The following EGFLAM variants were observed in gnomAD, a reference collection of about 807,000 sequenced individuals.
EGFLAM encodes pikachurin.
Under a neutral mutation model 113.1 loss-of-function variants are expected in EGFLAM, and 79 were observed. The ratio of observed to expected loss-of-function variants is 0.70; its 90% CI spans 0.58 to 0.84. The LOEUF (loss-of-function observed/expected upper bound fraction) is 0.84. Ranked by LOEUF, EGFLAM falls within the 40% of genes least tolerant of loss-of-function variation. The probability of loss-of-function intolerance (pLI) is 0.00; values close to 1 mark genes in which losing one functional copy is unlikely to be tolerated. For synonymous variants in EGFLAM, 504 were observed against 487.6 expected, an observed-to-expected ratio of 1.03 and a Z score of -0.44; for missense variants, 1,265 against 1,291.6, an observed-to-expected ratio of 0.98 and a Z score of 0.32.
chr5:38,319,071 A>G lies in EGFLAM; in HGVS notation c.98-18449A>G, dbSNP rs868385953. 2.0e-5 allele frequency among the ~76,000 whole-genome samples: 3 copies of G among 152,206 alleles called. No homozygotes were observed. In the South Asian group the frequency reaches 6.2e-4, roughly 32 times the overall value. On this transcript the variant is annotated intron_variant, in intron 1 of 21. Transcript: ENST00000322350. The stretch of plus-strand genomic sequence containing the variant: ...TGGTGAGAATTCATATTAGGGGTAA[A>G]TATCACCTTGGCTTTTCCCCAGTTG...
Position 38,307,374 on chromosome 5 carries a change from TG to T in EGFLAM, c.98-30145del, listed in dbSNP as rs576832581. Among the ~76,000 whole-genome samples, 197 of 152,322 alleles carry T rather than the reference TG, an allele frequency of 1.3e-3. 1 individual carries two copies. Among genetic ancestry groups the T allele is most frequent in the African/African-American group, 4.5e-3 (188 of 41,578 alleles). On this transcript the variant is annotated intron_variant, in intron 1 of 21. Transcript: ENST00000322350. ...TGAATCATGGGGATGGTATCCCTCA[TG>T]CTGTTCTCATGATAATGAGTGAATT...
At chr5:38,383,042 C>T (rs960799397) in intron 6 of EGFLAM, among the ~76,000 whole-genome samples, 9 of 152,134 alleles carry the variant, frequency 5.9e-5, no homozygotes, top group African/African-American at 1.9e-4. Flanking sequence ...CTTACAGAGC[C>T]GGACGAGCCC....
chr5:38,391,327 T>G (rs186355945), intron 6 of EGFLAM, among the ~76,000 whole-genome samples: 25 of 152,230 alleles, frequency 1.6e-4, no homozygotes, highest in Admixed American at 1.2e-3. Flanking sequence ...CTATATGCTG[T>G]CAGTTTCTTT....
chr5:38,449,407 G>A (rs1194417182), intron 18 of EGFLAM, among the ~76,000 whole-genome samples: 1 of 152,182 alleles, frequency 6.6e-6, no homozygotes, highest in Non-Finnish European at 1.5e-5. Flanking sequence ...CGTTGTCTTG[G>A]CATGGGGACT....
At chr5:38,313,213 T>C (rs539836583) in intron 1 of EGFLAM, among the ~76,000 whole-genome samples, 1 of 152,360 alleles carries the variant, frequency 6.6e-6, no homozygotes, top group East Asian at 1.9e-4. Context: ...TTGCTCTGCA[T>C]AATTTTTTTA....
At chr5:38,293,272 C>T (rs1022735564) in intron 1 of EGFLAM, among the ~76,000 whole-genome samples, 7 of 152,194 alleles carry the variant, frequency 4.6e-5, no homozygotes, top group Non-Finnish European at 1.0e-4. Context: ...ATGCCAGTCT[C>T]AGCTGTGTCA....
chr5:38,261,390 A>G (rs545640158), intron 1 of EGFLAM, among the ~76,000 whole-genome samples: 1 of 152,330 alleles, frequency 6.6e-6, no homozygotes, highest in African/African-American at 2.4e-5. Context: ...AACTGGATGC[A>G]CAGTGATTTA....
chr5:38,451,756 C>T (rs901779682), intron 19 of EGFLAM: 22 of 275,650 alleles, frequency 8.0e-5, no homozygotes, highest in Non-Finnish European at 1.4e-4. Flanking sequence ...TTCGGGAGGC[C>T]GAGGTGGGCA....
chr5:38,352,713 A>C (rs532905314), intron 5 of EGFLAM, among the ~76,000 whole-genome samples: 1 of 152,068 alleles, frequency 6.6e-6, no homozygotes, highest in South Asian at 2.1e-4. Context: ...CAATGAGGAG[A>C]GTCACCTCCA....
intron 5 of EGFLAM, among the ~76,000 whole-genome samples, chr5:38,367,213 C>A (rs1486411403): frequency 6.6e-6 from 1 of 151,484 alleles, no homozygotes; most frequent in East Asian, 1.9e-4. Context: ...TTGGTGCAAT[C>A]ATAGCTCGCA....
chr5:38,355,540 G>A (rs928198213), intron 5 of EGFLAM, among the ~76,000 whole-genome samples: 6 of 152,108 alleles, frequency 3.9e-5, no homozygotes, highest in East Asian at 1.9e-4. Flanking sequence ...AAACGTGGGC[G>A]ATGACTTCTT....
At chr5:38,322,776 G>A (rs1738775602) in intron 1 of EGFLAM, among the ~76,000 whole-genome samples, 1 of 152,148 alleles carries the variant, frequency 6.6e-6, no homozygotes, top group South Asian at 2.1e-4. Context: ...AATTTCAAAG[G>A]GAAGCATGAT....
intron 1 of EGFLAM, among the ~76,000 whole-genome samples, chr5:38,317,507 A>G (rs1738633251): frequency 6.6e-6 from 1 of 152,202 alleles, no homozygotes; most frequent in African/African-American, 2.4e-5. Flanking sequence ...ATGCCAAAGA[A>G]TGCCAAGCTT....
chr5:38,297,712 A>G (rs1351341779), intron 1 of EGFLAM, among the ~76,000 whole-genome samples: 1 of 152,184 alleles, frequency 6.6e-6, no homozygotes, highest in African/African-American at 2.4e-5. Flanking sequence ...AGCTAGCAAG[A>G]GTCATTCTTT....
intron 5 of EGFLAM, among the ~76,000 whole-genome samples, chr5:38,362,507 C>T (rs550093902): frequency 4.6e-5 from 7 of 152,202 alleles, no homozygotes; most frequent in Non-Finnish European, 8.8e-5. Flanking sequence ...GAAAAAACAA[C>T]CCTCCCTAAT....
intron 6 of EGFLAM, among the ~76,000 whole-genome samples, chr5:38,383,430 A>C (rs1350364507): frequency 6.9e-6 from 1 of 145,218 alleles, no homozygotes; most frequent in Non-Finnish European, 1.5e-5. Flanking sequence ...TTTTTTTTTT[A>C]ACATTACCCC....
chr5:38,333,572 A>G (rs1265951654), intron 1 of EGFLAM, among the ~76,000 whole-genome samples: 1 of 152,030 alleles, frequency 6.6e-6, no homozygotes, highest in Non-Finnish European at 1.5e-5. Flanking sequence ...GCTTTTTTTC[A>G]TATGCTTGTT....
chr5:38,368,260 A>G (rs982362142), intron 5 of EGFLAM, among the ~76,000 whole-genome samples: 3 of 152,042 alleles, frequency 2.0e-5, no homozygotes, highest in African/African-American at 7.2e-5. Flanking sequence ...GTTTCCTTCC[A>G]CTCACCGAGG....
intron 17 of EGFLAM, among the ~76,000 whole-genome samples, chr5:38,439,573 T>C (rs760592102): frequency 1.3e-5 from 2 of 152,212 alleles, no homozygotes; most frequent in African/African-American, 2.4e-5. Context: ...TTTGCAGCAG[T>C]CTTGGAAAAT....
Sources: gnomAD v4.1 joint callset for allele counts (sites outside exome capture counted in the v4.1 genomes callset) on GRCh38, gnomAD v4.1.1 for gene constraint, MANE v1.5 for transcripts, NCBI Gene and HGNC (gene_info 2026-07-23, HGNC 2026-07-21) for gene names.